The following ACOT11 variants were observed in gnomAD, a reference collection of about 807,000 sequenced individuals.
ACOT11 encodes acyl-CoA thioesterase 11, also known as acyl-coenzyme A thioesterase 11.
ACOT11 carries 69 observed loss-of-function variants against 77.5 expected under a neutral mutation model. That is an observed-to-expected ratio of 0.89 (90% CI 0.73 to 1.09). ACOT11 has a LOEUF of 1.09. Ranked by LOEUF, ACOT11 falls within the 50% of genes least tolerant of loss-of-function variation. ACOT11 has a pLI of 0.00. For missense variants in ACOT11, 766 were observed against 813.7 expected (o/e 0.94, Z 0.71); for synonymous variants, 279 against 313.0 (o/e 0.89, Z 1.15).
At chr1:54,633,045 C>T (rs1290035844) in intron 16 of ACOT11, among the ~76,000 whole-genome samples, 1 of 152,036 alleles carries the variant, frequency 6.6e-6, no homozygotes. Context: ...TGGTATGGGA[C>T]TAGAAAAAGA....
At chr1:54,611,070 A>G (rs1644112369), downstream of ACOT11, 7 of 951,714 alleles carry the variant, frequency 7.4e-6, no homozygotes, top group Non-Finnish European at 8.8e-6. Context: ...AAGCTGAGTG[A>G]CTGTATAAAT....
At chr1:54,615,978 A>G (rs1190158621) in intron 15 of ACOT11, 1 of 1,602,768 alleles carries the variant, frequency 6.2e-7, no homozygotes. Context: ...CCCCAGGGCC[A>G]GAGGGCTGGG....
chr1:54,560,782 C>T (rs967633672), intron 1 of ACOT11, among the ~76,000 whole-genome samples: 1 of 151,804 alleles, frequency 6.6e-6, no homozygotes, highest in African/African-American at 2.4e-5. Flanking sequence ...AGTGCAATGG[C>T]GCGATCTTGG....
At chr1:54,597,946 C>T (rs1351081563) in intron 7 of ACOT11, 1 of 156,372 alleles carries the variant, frequency 6.4e-6, no homozygotes. Flanking sequence ...GGGGCTTGTT[C>T]TACCCTAAAT....
At chr1:54,569,224 AG>A (rs1653851037) in intron 1 of ACOT11, among the ~76,000 whole-genome samples, 2 of 151,992 alleles carry the variant, frequency 1.3e-5, no homozygotes, top group African/African-American at 4.8e-5. Context: ...AGCCTCCCAA[AG>A]TGCTGGGATT....
chr1:54,623,753 G>A (rs1226900840), intron 15 of ACOT11, among the ~76,000 whole-genome samples: 2 of 152,192 alleles, frequency 1.3e-5, no homozygotes, highest in East Asian at 3.9e-4. Context: ...CCCAGCCCCT[G>A]TTGCTTTTCT....
At position 54,601,461 on chromosome 1, in the gene ACOT11, C is replaced by T. The variant is rs201014178; in HGVS notation, c.1029+48C>T. 17 of 1,591,172 alleles carry T rather than the reference C, an allele frequency of 1.1e-5. No individual in the cohort carries two copies. The East Asian group carries it at 3.1e-4, about 29-fold the overall frequency. On this transcript the variant is annotated intron_variant, in intron 9 of 15. Coordinates refer to ENST00000343744, the MANE Select transcript of ACOT11 (RefSeq NM_147161.4). ...CCCACCAGCAGCTCCCCTCCCCTCC[C>T]TCTCTGCCCTGGCATGGTGGAGACT...
At chr1:54,593,031 A>T (rs972740261) in intron 4 of ACOT11, among the ~76,000 whole-genome samples, 5 of 152,174 alleles carry the variant, frequency 3.3e-5, no homozygotes, top group African/African-American at 4.8e-5. Context: ...CCGTCTCCTC[A>T]TCTGCAAAAG....
At position 54,609,285 on chromosome 1, in the gene ACOT11, G is replaced by A. The variant is rs1047501126; in HGVS notation, c.*173G>A. On this transcript the variant is annotated 3_prime_UTR_variant, in exon 16 of 16. Coordinates refer to ENST00000343744, the MANE Select transcript of ACOT11 (RefSeq NM_147161.4). ...CTGGGTGCTCAGTTTCTACCAACAT[G>A]AGCCAGCAAGTCCTTGTGGTAGCCC... The A allele has an allele frequency of 1.2e-6, 2 of 1,606,146 alleles. No homozygotes were observed. Among genetic ancestry groups the A allele is most frequent in the African/African-American group, 2.7e-5 (2 of 74,964 alleles).
At chr1:54,617,322 G>GA (rs1322074927) in intron 15 of ACOT11, among the ~76,000 whole-genome samples, 1 of 152,108 alleles carries the variant, frequency 6.6e-6, no homozygotes, top group Non-Finnish European at 1.5e-5. Flanking sequence ...ACTGATGCCA[G>GA]AAGGGGCCTT....
chr1:54,557,972 T>C (rs1469251597), intron 1 of ACOT11, among the ~76,000 whole-genome samples: 1 of 152,224 alleles, frequency 6.6e-6, no homozygotes, highest in Non-Finnish European at 1.5e-5. Flanking sequence ...TGAAAAGCTT[T>C]CAACTTTTCC....
chr1:54,609,713 T>G lies in ACOT11; in HGVS notation c.*601T>G, dbSNP rs200917491. On this transcript the variant is annotated 3_prime_UTR_variant, in exon 16 of 16. Coordinates refer to ENST00000343744, the MANE Select transcript of ACOT11 (RefSeq NM_147161.4). ...TTTGGCCCCAACCCACACAGGCCAA[T>G]GCAAGAGGCCAAGGCTGGAGAGGCG... 129 of 1,613,942 alleles carry G rather than the reference T, an allele frequency of 8.0e-5. 1 individual carries two copies. The highest frequency in any genetic ancestry group is 3.3e-4 in the Middle Eastern group (2 of 6,082).
At chr1:54,619,806 C>T in intron 15 of ACOT11, 1 of 1,568,202 alleles carries the variant, frequency 6.4e-7, no homozygotes. Flanking sequence ...TCACTTCTCT[C>T]CCTCTGTCTT....
At chr1:54,553,047 G>A (rs1398240902) in intron 1 of ACOT11, among the ~76,000 whole-genome samples, 4 of 149,966 alleles carry the variant, frequency 2.7e-5, no homozygotes, top group Non-Finnish European at 5.9e-5. Flanking sequence ...GGCTGGTCTC[G>A]AACTTCCGAC....
At chr1:54,602,623 A>T in intron 9 of ACOT11, 46 bp from the exon 10 acceptor site, 1 of 1,467,598 alleles carries the variant, frequency 6.8e-7, no homozygotes, top group South Asian at 1.4e-5. Context: ...AGGGGGCAGG[A>T]CGGAGGGTGG....
rs146335012 is a variant in ACOT11 at position 54,619,978 on chromosome 1, C to T, written c.1630-10756C>T. On this transcript the variant is annotated intron_variant, in intron 15 of 16. Transcript: ENST00000371316. ...CTCAGCAGGTAGTCCAGCATGTCGGCATCAGGGCTGCAGGCCTCCAGCTCA... is the reference window on the plus strand; with the variant it reads ...CTCAGCAGGTAGTCCAGCATGTCGGTATCAGGGCTGCAGGCCTCCAGCTCA... The T allele has an allele frequency of 1.1e-5, 17 of 1,614,142 alleles. No individual in the cohort carries two copies. In the African/African-American group the frequency reaches 2.1e-4, roughly 20 times the overall value.
At chr1:54,566,293 C>G (rs1653727679) in intron 1 of ACOT11, among the ~76,000 whole-genome samples, 1 of 152,050 alleles carries the variant, frequency 6.6e-6, no homozygotes. Flanking sequence ...CCCATCTCTA[C>G]TAAAAATACA....
At chr1:54,558,944 T>C (rs1204615624) in intron 1 of ACOT11, among the ~76,000 whole-genome samples, 1 of 152,132 alleles carries the variant, frequency 6.6e-6, no homozygotes, top group Non-Finnish European at 1.5e-5. Context: ...GGGAAACACA[T>C]CATCATGGTT....
chr1:54,606,226 G>A (rs893774129), intron 13 of ACOT11, among the ~76,000 whole-genome samples: 1 of 152,150 alleles, frequency 6.6e-6, no homozygotes, highest in Non-Finnish European at 1.5e-5. Context: ...TGTCGTGTAG[G>A]GGGAGGGCGG....
Sources: gnomAD v4.1 joint callset for allele counts (sites outside exome capture counted in the v4.1 genomes callset) on GRCh38, gnomAD v4.1.1 for gene constraint, MANE v1.5 for transcripts, NCBI Gene and HGNC (gene_info 2026-07-23, HGNC 2026-07-21) for gene names.